DLG5: variants seen among roughly 807,000 people sequenced by gnomAD.
DLG5 encodes discs large MAGUK scaffold protein 5, also known as disks large homolog 5.
Under a neutral mutation model 189.8 loss-of-function variants are expected in DLG5, and 48 were observed. The observed-to-expected ratio is 0.25, with a 90% CI of 0.20 to 0.32. The LOEUF (loss-of-function observed/expected upper bound fraction) is 0.32, where lower values mean the gene tolerates loss of function less well. Ranked by LOEUF, DLG5 falls within the 10% of genes least tolerant of loss-of-function variation. DLG5 has a pLI of 1.00. For missense variants in DLG5, 2,160 were observed against 2,544.7 expected, an observed-to-expected ratio of 0.85 and a Z score of 3.25; for synonymous variants, 1,016 against 1,054.1, an observed-to-expected ratio of 0.96 and a Z score of 0.70.
At chr10:77,919,584 C>CTTT (rs71030919) in intron 1 of DLG5, among the ~76,000 whole-genome samples, 36 of 67,730 alleles carry the variant, frequency 5.3e-4, no homozygotes, top group Non-Finnish European at 7.4e-4. Context: ...CAGTTCAGGG[C>CTTT]TTTTTTTTTT....
At chr10:77,793,910 G>A in intron 31 of DLG5, 98 bp downstream of exon 31, 1 of 1,093,722 alleles carries the variant, frequency 9.1e-7, no homozygotes, top group Non-Finnish European at 1.4e-6. Flanking sequence ...GGAGCATGTA[G>A]AAAGTGCGGG....
chr10:77,885,899 A>G (rs1845422376), intron 1 of DLG5, among the ~76,000 whole-genome samples: 1 of 152,226 alleles, frequency 6.6e-6, no homozygotes, highest in African/African-American at 2.4e-5. Flanking sequence ...TCTGATGAGC[A>G]GGATGAGAGG....
At chr10:77,810,282 C>T (rs964181160) in intron 23 of DLG5, among the ~76,000 whole-genome samples, 1 of 152,186 alleles carries the variant, frequency 6.6e-6, no homozygotes, top group Non-Finnish European at 1.5e-5. Flanking sequence ...GAAACAGATA[C>T]AGGGGGCTTC....
intron 23 of DLG5, 103 bp from the exon 24 acceptor site, chr10:77,809,833 G>A (rs193040498): frequency 2.2e-6 from 3 of 1,366,448 alleles, no homozygotes; most frequent in African/African-American, 2.9e-5. Flanking sequence ...GCTTCTTGGG[G>A]TCTCAGAACC....
At position 77,816,575 on chromosome 10, in the gene DLG5, G is replaced by A. The variant is rs747152557; in HGVS notation, c.4001C>T (p.Ser1334Phe). 6 of 1,614,028 alleles carry A rather than the reference G, an allele frequency of 3.7e-6. No homozygotes were observed. The African/African-American group carries it at 8.0e-5, about 22-fold the overall frequency. ...CCTGTCCTTTCTCCGCTCCCCGAGG[G>A]ACGCGGGGTTGACAGCGATTCTGGG... ...TLPRIAVNPA[S>F]LGERRKDRPY... is the part of the protein sequence containing the mutation. Residue 1334 changes from serine (S) to phenylalanine (F), a missense_variant, in exon 20 of 32, where the codon TCC (serine) becomes TTC (phenylalanine). This residue lies in a region of DLG5 where 754 missense variants were observed against 746.5 expected (regional missense o/e 1.01). Transcript: ENST00000372391.
At position 77,926,344 on chromosome 10, in the gene DLG5, C is replaced by A; in HGVS notation, c.177G>T (p.Leu59=). The change falls in exon 1 of 32, where the codon CTG becomes CTT. Residue 59 remains leucine, a synonymous_variant. Coordinates refer to ENST00000372391, the MANE Select transcript of DLG5 (RefSeq NM_004747.4). The surrounding 1 kb of genome is among the most constrained non-coding windows in gnomAD (Gnocchi z 5.2). ...GGAKAELLLK[L]LLAKERDHFQ... Reference sequence around the variant, plus strand: ...AGTGGTCCCGCTCCTTGGCCAAGAGCAGCTTGAGCAGCAGCTCCGCCTTGG... The same window carrying A: ...AGTGGTCCCGCTCCTTGGCCAAGAGAAGCTTGAGCAGCAGCTCCGCCTTGG... The A allele has an allele frequency of 1.9e-6, 3 of 1,603,296 alleles. No homozygotes were observed. The highest frequency in any genetic ancestry group is 2.6e-6 in the Non-Finnish European group (3 of 1,176,342).
intron 23 of DLG5, among the ~76,000 whole-genome samples, chr10:77,810,097 T>C (rs1603641181): frequency 6.6e-6 from 1 of 152,362 alleles, no homozygotes; most frequent in East Asian, 1.9e-4. Context: ...AAAGTTGGCC[T>C]CACTGTCCAG....
At chr10:77,846,841 G>A (rs983535657) in intron 5 of DLG5, 19 of 409,366 alleles carry the variant, frequency 4.6e-5, no homozygotes, top group South Asian at 1.4e-4. Flanking sequence ...GCAGCCGCGG[G>A]GAGACGAGCC....
chr10:77,905,039 G>GA (rs1438749086), intron 1 of DLG5, among the ~76,000 whole-genome samples: 3 of 147,338 alleles, frequency 2.0e-5, no homozygotes, highest in African/African-American at 7.9e-5. Context: ...TGAGGAAGGA[G>GA]AATCACTTGA....
intron 17 of DLG5, 29 bp downstream of exon 17, chr10:77,819,292 A>G (rs201049221): frequency 1.2e-6 from 2 of 1,613,400 alleles, no homozygotes; most frequent in East Asian, 2.2e-5. Flanking sequence ...CAGCTGGAGT[A>G]CAGAGAAGCG....
intron 1 of DLG5, among the ~76,000 whole-genome samples, chr10:77,907,752 C>T (rs1846107152): frequency 6.6e-6 from 1 of 152,134 alleles, no homozygotes; most frequent in African/African-American, 2.4e-5. Flanking sequence ...TGGCCATGGT[C>T]ACGGTAAGTG....
intron 6 of DLG5, among the ~76,000 whole-genome samples, chr10:77,843,154 T>C (rs147653412): frequency 6.6e-6 from 1 of 152,252 alleles, no homozygotes; most frequent in Non-Finnish European, 1.5e-5. Flanking sequence ...TATTAAGTAT[T>C]GTGCAGAGCA....
Position 77,843,364 on chromosome 10 carries a change from C to T in DLG5, c.1124+83G>A, listed in dbSNP as rs867002592. ...TTTTTTGATTGAAAAAGCACAATAACTCATGCTGTTCTCATCCCCTGGTGG... is the reference window on the plus strand; with the variant it reads ...TTTTTTGATTGAAAAAGCACAATAATTCATGCTGTTCTCATCCCCTGGTGG... On this transcript the variant is annotated intron_variant, in intron 6 of 31. Coordinates refer to ENST00000372391, the MANE Select transcript of DLG5 (RefSeq NM_004747.4). 4.8e-5 allele frequency: 72 copies of T among 1,498,396 alleles called. No homozygotes were observed. The Middle Eastern group carries it at 1.2e-3, about 25-fold the overall frequency. 92.8% of individuals were successfully genotyped at this position (1,498,396 alleles called of 1,614,324 possible).
rs558835737 is a variant in DLG5 at position 77,844,903 on chromosome 10, C to T, written c.865-1197G>A. On this transcript the variant is annotated intron_variant, in intron 5 of 31. Coordinates refer to ENST00000372391, the MANE Select transcript of DLG5 (RefSeq NM_004747.4). ...AGGGTCAAAGGCCCAGAGGCAGGGC[C>T]TGCAGGCGTGTTCTAGAGACAGAGA... Among the ~76,000 whole-genome samples the T allele has an allele frequency of 1.5e-4, 23 of 152,118 alleles. No homozygotes were observed. The South Asian group carries it at 4.8e-3, about 32-fold the overall frequency.
intron 1 of DLG5, among the ~76,000 whole-genome samples, chr10:77,877,255 G>T (rs2154577278): frequency 6.6e-6 from 1 of 150,912 alleles, no homozygotes; most frequent in African/African-American, 2.4e-5. Flanking sequence ...TACCATGCAA[G>T]ACCCTTCACT....
At chr10:77,900,456 T>C (rs1264515388) in intron 1 of DLG5, among the ~76,000 whole-genome samples, 1 of 152,174 alleles carries the variant, frequency 6.6e-6, no homozygotes, top group African/African-American at 2.4e-5. Context: ...TCAAGTTATC[T>C]CCTTCAGGAG....
upstream of DLG5, among the ~76,000 whole-genome samples, chr10:77,931,221 G>A (rs1458267281): frequency 1.3e-5 from 2 of 151,996 alleles, no homozygotes; most frequent in African/African-American, 4.8e-5. Flanking sequence ...CTCCCAAAGT[G>A]CTGGATTATA....
At chr10:77,921,448 AAAAC>A (rs1846531790) in intron 1 of DLG5, among the ~76,000 whole-genome samples, 1 of 152,294 alleles carries the variant, frequency 6.6e-6, no homozygotes, top group African/African-American at 2.4e-5. Flanking sequence ...TTGGGGAAAA[AAAAC>A]AAACTTCCAG....
chr10:77,822,366 C>G (rs1262973132), intron 14 of DLG5, among the ~76,000 whole-genome samples: 2 of 152,196 alleles, frequency 1.3e-5, no homozygotes, highest in African/African-American at 4.8e-5. Context: ...ATTATCTGGG[C>G]CGGGCACAGT....
Sources: allele counts gnomAD v4.1 joint callset (sites outside exome capture counted in the v4.1 genomes callset), GRCh38; gene constraint gnomAD v4.1.1; regional missense constraint gnomAD v4.1.1; non-coding constraint Gnocchi (gnomAD v3.1); transcripts MANE v1.5; gene names NCBI Gene and HGNC (gene_info 2026-07-23, HGNC 2026-07-21).